The following DCPS variants were observed in gnomAD, a reference collection of about 807,000 sequenced individuals.
DCPS encodes decapping enzyme, scavenger, also known as m7GpppX diphosphatase.
In DCPS, 27 loss-of-function variants were observed where a neutral mutation model predicts 34.7. That is an observed-to-expected ratio of 0.78 (90% CI 0.57 to 1.07). The LOEUF is 1.07. DCPS is among the 50% of genes least tolerant of loss of function. DCPS has a pLI of 0.00. For missense variants in DCPS, 464 were observed against 436.9 expected, an observed-to-expected ratio of 1.06 and a Z score of -0.55; for synonymous variants, 185 against 185.7, an observed-to-expected ratio of 1.00 and a Z score of 0.03.
chr11:126,338,512 C>T lies in DCPS; in HGVS notation c.636+113C>T. Reference sequence around the variant, plus strand: ...CTGTCTCTAAGCAGATTATAATTAACCAACAAGGGTTGGCCTGAGCTCTCT... The same window carrying T: ...CTGTCTCTAAGCAGATTATAATTAATCAACAAGGGTTGGCCTGAGCTCTCT... On this transcript the variant is annotated intron_variant, in intron 4 of 5. Transcript: ENST00000263579. The surrounding 1 kb of genome is among the most constrained non-coding windows in gnomAD (Gnocchi z 5.4). The T allele has an allele frequency of 1.0e-6, 1 of 987,110 alleles. No homozygotes were observed. The highest frequency in any genetic ancestry group is 1.6e-6 in the Non-Finnish European group (1 of 634,720). 61.1% of individuals were successfully genotyped at this position (987,110 alleles called of 1,614,324 possible).
At position 126,312,075 on chromosome 11, in the gene DCPS, C is replaced by A. The variant is rs189872207; in HGVS notation, c.376+5331C>A. 6.6e-6 allele frequency among the ~76,000 whole-genome samples: 1 copy of A among 152,094 alleles called. No individual in the cohort carries two copies. The highest frequency in any genetic ancestry group is 1.9e-4 in the East Asian group (1 of 5,156). On this transcript the variant is annotated intron_variant, in intron 2 of 5. Transcript: ENST00000263579. This position sits in a 1 kb window ranked among gnomAD's most constrained non-coding sequence, Gnocchi z 5.1. ...CCTCCCGAGTAGCTGGGATTACAGG[C>A]ATCCTCCACCATGCCTGGCTAATTT...
rs1951730822 is a variant in DCPS at position 126,325,129 on chromosome 11, G to A, written c.377-6276G>A. ...TTGAACCCAGGAGGTGGAGGTTGCA[G>A]TGAGCCAAGATCGTGCCATTGCACT... On this transcript the variant is annotated intron_variant, in intron 2 of 5. Coordinates refer to ENST00000263579, the MANE Select transcript of DCPS (RefSeq NM_014026.6). This position sits in a 1 kb window ranked among gnomAD's most constrained non-coding sequence, Gnocchi z 4.3. Among the ~76,000 whole-genome samples, 1 of 152,198 alleles carries A rather than the reference G, an allele frequency of 6.6e-6. No homozygotes were observed. The highest frequency in any genetic ancestry group is 2.1e-4 in the South Asian group (1 of 4,824).
rs529699686 is a variant in DCPS at position 126,318,155 on chromosome 11, C to G, written c.376+11411C>G. On this transcript the variant is annotated intron_variant, in intron 2 of 5. Coordinates refer to ENST00000263579, the MANE Select transcript of DCPS (RefSeq NM_014026.6). ...TCCAGAGTCTTGCTAAAGTCAGCGTCTGCCTCTCCTCTGTCTCTAATAGCA... is the reference window on the plus strand; with the variant it reads ...TCCAGAGTCTTGCTAAAGTCAGCGTGTGCCTCTCCTCTGTCTCTAATAGCA... 3.3e-5 allele frequency among the ~76,000 whole-genome samples: 5 copies of G among 152,326 alleles called. No individual in the cohort carries two copies. The East Asian group carries it at 9.6e-4, about 29-fold the overall frequency.
Position 126,312,284 on chromosome 11 carries a change from A to G in DCPS, c.376+5540A>G, listed in dbSNP as rs1029682157. Reference sequence around the variant, plus strand: ...CATCCGCTATGGCATACTCTGTAGTATTTCCTATCTAGTTTCAGCCTTATT... The same window carrying G: ...CATCCGCTATGGCATACTCTGTAGTGTTTCCTATCTAGTTTCAGCCTTATT... On this transcript the variant is annotated intron_variant, in intron 2 of 5. Coordinates refer to ENST00000263579, the MANE Select transcript of DCPS (RefSeq NM_014026.6). The surrounding 1 kb of genome is among the most constrained non-coding windows in gnomAD (Gnocchi z 5.1). Among the ~76,000 whole-genome samples the G allele has an allele frequency of 1.3e-5, 2 of 151,980 alleles. No homozygotes were observed. The highest frequency in any genetic ancestry group is 1.3e-4 in the Admixed American group (2 of 15,244).
Position 126,346,926 on chromosome 11 carries a change from T to C in DCPS, c.*1313T>C, listed in dbSNP as rs576018601. ...CGAACATGGTGAAACCCATCTCTAC[T>C]AAAAAACAGAAAAATTAGCCAGGTG... is the stretch of plus-strand genomic sequence containing the variant. On this transcript the variant is annotated 3_prime_UTR_variant, in exon 6 of 6. Transcript: ENST00000263579. This position sits in a 1 kb window ranked among gnomAD's most constrained non-coding sequence, Gnocchi z 4.1. 7.6e-4 allele frequency among the ~76,000 whole-genome samples: 115 copies of C among 152,038 alleles called. No individual in the cohort carries two copies. The highest frequency in any genetic ancestry group is 1.3e-3 in the Non-Finnish European group (85 of 67,966).
At chr11:126,340,512 T>C (rs1951867982) in intron 4 of DCPS, among the ~76,000 whole-genome samples, 1 of 152,188 alleles carries the variant, frequency 6.6e-6, no homozygotes, top group South Asian at 2.1e-4. Context: ...CTTTTGATGA[T>C]GCTGTATTTT....
rs1412557259 is a variant in DCPS, at chr11:126,331,521, C to T, written c.493C>T (p.His165Tyr). The change falls in exon 3 of 6, where the codon CAC becomes TAC. Residue 165 changes from histidine (H) to tyrosine (Y), a missense_variant. Coordinates refer to ENST00000263579, the MANE Select transcript of DCPS (RefSeq NM_014026.6). This position sits in a 1 kb window ranked among gnomAD's most constrained non-coding sequence, Gnocchi z 7.2. Reference sequence around the variant, plus strand: ...TGACTACAGGAATATTACTTTACCCCACCTGGAGTCCCAGAGCCTCAGCAT... The same window carrying T: ...TGACTACAGGAATATTACTTTACCCTACCTGGAGTCCCAGAGCCTCAGCAT... ...GDDYRNITLP[H>Y]LESQSLSIQW... The T allele has an allele frequency of 1.2e-6, 2 of 1,614,156 alleles. No homozygotes were observed. Among genetic ancestry groups the T allele is most frequent in the Non-Finnish European group, 1.7e-6 (2 of 1,180,020 alleles).
rs952617597 is a variant in DCPS at position 126,328,256 on chromosome 11, G to A, written c.377-3149G>A. ...CCTCGTAGTCCACGGCAGGAAGCGCGGGAGCTGTGGAGCAGGGGACAGTTT... is the reference window on the plus strand; with the variant it reads ...CCTCGTAGTCCACGGCAGGAAGCGCAGGAGCTGTGGAGCAGGGGACAGTTT... On this transcript the variant is annotated intron_variant, in intron 2 of 5. Transcript: ENST00000263579. This position sits in a 1 kb window ranked among gnomAD's most constrained non-coding sequence, Gnocchi z 6.6. Among the ~76,000 whole-genome samples the A allele has an allele frequency of 3.0e-4, 45 of 152,170 alleles. No homozygotes were observed. Among genetic ancestry groups the A allele is most frequent in the African/African-American group, 1.1e-3 (44 of 41,446 alleles).
chr11:126,324,473 T>A (rs77724421), intron 2 of DCPS, among the ~76,000 whole-genome samples: 5 of 151,726 alleles, frequency 3.3e-5, no homozygotes, highest in Admixed American at 6.6e-5. Flanking sequence ...TTTTTTTTTT[T>A]AGACAGGGTC....
At chr11:126,305,329 G>A (rs1951554878) in intron 1 of DCPS, among the ~76,000 whole-genome samples, 1 of 150,898 alleles carries the variant, frequency 6.6e-6, no homozygotes, top group Non-Finnish European at 1.5e-5. Flanking sequence ...TGGCCAGGCT[G>A]GTCTCGAACT....
chr11:126,334,548 T>A lies in DCPS; in HGVS notation c.522+2998T>A, dbSNP rs1434035176. On this transcript the variant is annotated intron_variant, in intron 3 of 5. Transcript: ENST00000263579. This position sits in a 1 kb window ranked among gnomAD's most constrained non-coding sequence, Gnocchi z 5.5. Reference sequence around the variant, plus strand: ...TAGTAGAGACGGAGTTTCACCATGTTGGCCAGGCTGGTCTCAAACTCCTGA... The same window carrying A: ...TAGTAGAGACGGAGTTTCACCATGTAGGCCAGGCTGGTCTCAAACTCCTGA... Among the ~76,000 whole-genome samples, 1 of 152,146 alleles carries A rather than the reference T, an allele frequency of 6.6e-6. No individual in the cohort carries two copies. Among genetic ancestry groups the A allele is most frequent in the Non-Finnish European group, 1.5e-5 (1 of 68,036 alleles).
In DCPS at chr11:126,319,080, A is replaced by C. The variant is rs948587088; in HGVS notation, c.377-12325A>C. On this transcript the variant is annotated intron_variant, in intron 2 of 5. Transcript: ENST00000263579. This position sits in a 1 kb window ranked among gnomAD's most constrained non-coding sequence, Gnocchi z 4.5. ...CAGATCCTCAGGGTCTTGATGGACA[A>C]GTCAGAGCTGTGTTAGTCCGGGGCA... Among the ~76,000 whole-genome samples, 7 of 152,186 alleles carry C rather than the reference A, an allele frequency of 4.6e-5. No homozygotes were observed. The highest frequency in any genetic ancestry group is 8.8e-5 in the Non-Finnish European group (6 of 68,028).
At chr11:126,314,694 C>A (rs771549666) in intron 2 of DCPS, among the ~76,000 whole-genome samples, 1 of 152,056 alleles carries the variant, frequency 6.6e-6, no homozygotes, top group Non-Finnish European at 1.5e-5. Flanking sequence ...TTTGCAGCAA[C>A]CTGGATGGAA....
rs568778066 is a variant in DCPS at position 126,349,138 on chromosome 11, G to A, written c.*3525G>A. ...CCTCATGCTTTCTTCCTGCTATCTC[G>A]TAAGAGCCCAACATCCTTCTGTCCT... is the stretch of plus-strand genomic sequence containing the variant. On this transcript the variant is annotated 3_prime_UTR_variant, in exon 6 of 6. Transcript: ENST00000263579. The surrounding 1 kb of genome is among the most constrained non-coding windows in gnomAD (Gnocchi z 5.4). Among the ~76,000 whole-genome samples, 4 of 152,274 alleles carry A rather than the reference G, an allele frequency of 2.6e-5. No homozygotes were observed. Among genetic ancestry groups the A allele is most frequent in the Non-Finnish European group, 4.4e-5 (3 of 68,024 alleles).
rs1400312363 is a variant in DCPS at position 126,304,133 on chromosome 11, A to C, written c.53A>C (p.Glu18Ala). Residue 18 changes from glutamate to alanine, a missense_variant, in exon 1 of 6, where the codon GAG becomes GCG. Coordinates refer to ENST00000263579, the MANE Select transcript of DCPS (RefSeq NM_014026.6). ...LGKRKRELDV[E>A]EAHAASTEEK... ...AAGAGGAAGCGCGAATTGGACGTGG[A>C]GGAGGCCCACGCCGCCAGCACAGAG... is the stretch of plus-strand genomic sequence containing the variant. 2 of 1,613,940 alleles carry C rather than the reference A, an allele frequency of 1.2e-6. No individual in the cohort carries two copies. The highest frequency in any genetic ancestry group is 1.7e-5 in the Admixed American group (1 of 59,996).
Position 126,345,339 on chromosome 11 carries a change from C to T in DCPS, c.748-8C>T, listed in dbSNP as rs765981711. 5.6e-6 allele frequency: 9 copies of T among 1,613,530 alleles called. No individual in the cohort carries two copies. The South Asian group carries it at 7.7e-5, about 14-fold the overall frequency. ...TGACTCCTGACCTGCCTGCCCCTGT[C>T]TCATCAGGAGGCCATCCTGCAGCGC... On this transcript the variant is annotated splice_region_variant and splice_polypyrimidine_tract_variant and intron_variant, in intron 5 of 5. Coordinates refer to ENST00000263579, the MANE Select transcript of DCPS (RefSeq NM_014026.6). This position sits in a 1 kb window ranked among gnomAD's most constrained non-coding sequence, Gnocchi z 7.4.
At chr11:126,304,313 G>A (rs752820935) in intron 1 of DCPS, 32 bp downstream of exon 1, 6 of 1,612,136 alleles carry the variant, frequency 3.7e-6, no homozygotes, top group Non-Finnish European at 5.1e-6. Flanking sequence ...GTGGGATGCG[G>A]GAAGCAGTGA....
chr11:126,331,533 C>A lies in DCPS; in HGVS notation c.505C>A (p.Gln169Lys), dbSNP rs746949102. ...RNITLPHLESQSLSIQWVYNI... is the reference protein window; with the variant it reads ...RNITLPHLESKSLSIQWVYNI... ...TATTACTTTACCCCACCTGGAGTCC[C>A]AGAGCCTCAGCATCCAGGTGACTGG... Residue 169 changes from glutamine to lysine, a missense_variant, in exon 3 of 6, where the codon CAG becomes AAG. Physicochemically the swap from Gln to Lys is moderately conservative, Grantham distance 53. Transcript: ENST00000263579. The surrounding 1 kb of genome is among the most constrained non-coding windows in gnomAD (Gnocchi z 7.2). The A allele has an allele frequency of 6.2e-7, 1 of 1,614,062 alleles. No individual in the cohort carries two copies. Among genetic ancestry groups the A allele is most frequent in the Non-Finnish European group, 8.5e-7 (1 of 1,179,996 alleles).
In DCPS at chr11:126,342,773, TG is replaced by T; in HGVS notation, c.637-530del. Among the ~76,000 whole-genome samples the T allele has an allele frequency of 6.6e-6, 1 of 152,266 alleles. No individual in the cohort carries two copies. The highest frequency in any genetic ancestry group is 6.5e-5 in the Admixed American group (1 of 15,298). On this transcript the variant is annotated intron_variant, in intron 4 of 5. Transcript: ENST00000263579. The surrounding 1 kb of genome is among the most constrained non-coding windows in gnomAD (Gnocchi z 4.4). Reference sequence around the variant, plus strand: ...TCCTGGCTCCCTGCCCCGACAGCTCTGGGGAGTGAGCATATAGAACTCTCTG... The same window carrying T: ...TCCTGGCTCCCTGCCCCGACAGCTCTGGGAGTGAGCATATAGAACTCTCTG...
Sources: gnomAD v4.1 joint callset for allele counts (sites outside exome capture counted in the v4.1 genomes callset) on GRCh38, gnomAD v4.1.1 for gene constraint, Gnocchi (gnomAD v3.1) non-coding constraint, MANE v1.5 for transcripts, NCBI Gene and HGNC (gene_info 2026-07-23, HGNC 2026-07-21) for gene names.